HTR4: variants seen among roughly 807,000 people sequenced by gnomAD.
The protein encoded by HTR4 is 5-hydroxytryptamine receptor 4, also known as 5-hydroxytryptamine (serotonin) receptor 4, G protein-coupled.
A neutral mutation model predicts 36.8 loss-of-function variants in HTR4; 16 were observed. The ratio of observed to expected loss-of-function variants is 0.43; its 90% CI spans 0.29 to 0.66. The LOEUF (loss-of-function observed/expected upper bound fraction) is 0.66, where lower values mean the gene tolerates loss of function less well. Ranked by LOEUF, HTR4 falls within the 30% of genes least tolerant of loss-of-function variation. The probability of loss-of-function intolerance (pLI) is 0.13; values close to 1 mark genes in which losing one functional copy is unlikely to be tolerated. For missense variants in HTR4, 438 were observed against 490.9 expected, an observed-to-expected ratio of 0.89 and a Z score of 1.02; for synonymous variants, 189 against 185.1, an observed-to-expected ratio of 1.02 and a Z score of -0.17.
intron 2 of HTR4, among the ~76,000 whole-genome samples, chr5:148,565,921 G>A (rs1416829510): frequency 6.6e-6 from 1 of 152,120 alleles, no homozygotes; most frequent in Non-Finnish European, 1.5e-5. Flanking sequence ...GCAAATCTAA[G>A]AACTGTATTG....
chr5:148,568,332 A>C (rs1760535902), intron 2 of HTR4, among the ~76,000 whole-genome samples: 1 of 151,746 alleles, frequency 6.6e-6, no homozygotes, highest in African/African-American at 2.4e-5. Flanking sequence ...AGTTTAGATT[A>C]CCTTATCCCT....
At chr5:148,519,371 C>A (rs1006997754) in intron 5 of HTR4, among the ~76,000 whole-genome samples, 1 of 152,086 alleles carries the variant, frequency 6.6e-6, no homozygotes, top group Non-Finnish European at 1.5e-5. Context: ...GGTGTGGTTA[C>A]CAATTTGTAA....
At chr5:148,520,837 A>C in intron 5 of HTR4, 1 of 1,340,594 alleles carries the variant, frequency 7.5e-7, no homozygotes, top group Non-Finnish European at 1.0e-6. Context: ...GGATTCAAAA[A>C]ATGTCCATGC....
intron 5 of HTR4, among the ~76,000 whole-genome samples, chr5:148,462,692 A>C (rs1755306393): frequency 6.6e-6 from 1 of 152,094 alleles, no homozygotes; most frequent in Non-Finnish European, 1.5e-5. Context: ...CCAAAACCAA[A>C]GACATTACAA....
At chr5:148,633,867 C>T (rs988848996) in intron 2 of HTR4, among the ~76,000 whole-genome samples, 7 of 151,996 alleles carry the variant, frequency 4.6e-5, no homozygotes, top group African/African-American at 1.7e-4. Flanking sequence ...ATGTCTAATC[C>T]TGGTCCTCCA....
chr5:148,635,934 T>TA (rs1380877657), intron 2 of HTR4, among the ~76,000 whole-genome samples: 2 of 152,194 alleles, frequency 1.3e-5, no homozygotes, highest in Non-Finnish European at 2.9e-5. Flanking sequence ...GTTTTATTGC[T>TA]AAAAATACAG....
chr5:148,562,589 G>C (rs1561621321), intron 2 of HTR4, among the ~76,000 whole-genome samples: 1 of 152,050 alleles, frequency 6.6e-6, no homozygotes, highest in Non-Finnish European at 1.5e-5. Context: ...TCTTCTCCTA[G>C]ACTATCACAA....
chr5:148,609,874 A>T (rs1469104565), intron 2 of HTR4, among the ~76,000 whole-genome samples: 1 of 152,160 alleles, frequency 6.6e-6, no homozygotes, highest in Admixed American at 6.5e-5. Context: ...CCCATGAGCC[A>T]CTGTGCCCAG....
chr5:148,609,901 A>G (rs1561648004), intron 2 of HTR4, among the ~76,000 whole-genome samples: 1 of 151,590 alleles, frequency 6.6e-6, no homozygotes, highest in Non-Finnish European at 1.5e-5. Flanking sequence ...TTTTTTTTTA[A>G]CTGTGAAAAT....
chr5:148,457,471 T>C (rs980927254), intron 5 of HTR4, among the ~76,000 whole-genome samples: 3 of 151,662 alleles, frequency 2.0e-5, no homozygotes, highest in Middle Eastern at 3.5e-3. Flanking sequence ...TGGTAATTAG[T>C]AGCGTAATAA....
chr5:148,581,615 A>G (rs967453408), intron 2 of HTR4, among the ~76,000 whole-genome samples: 4 of 152,048 alleles, frequency 2.6e-5, no homozygotes, highest in African/African-American at 9.7e-5. Flanking sequence ...ATTATGTATT[A>G]TCAGCATCCT....
At chr5:148,453,324 A>C (rs1416251889) in intron 5 of HTR4, among the ~76,000 whole-genome samples, 1 of 152,072 alleles carries the variant, frequency 6.6e-6, no homozygotes, top group African/African-American at 2.4e-5. Context: ...TATTTTATCT[A>C]TTTTCTCAGC....
chr5:148,599,905 A>G lies in HTR4; in HGVS notation c.26+37084T>C, dbSNP rs147109868. 2.3e-3 allele frequency among the ~76,000 whole-genome samples: 349 copies of G among 152,054 alleles called. 2 individuals carry two copies. Among genetic ancestry groups the G allele is most frequent in the Non-Finnish European group, 3.9e-3 (262 of 67,884 alleles). On this transcript the variant is annotated intron_variant, in intron 2 of 6. Coordinates refer to ENST00000377888, the MANE Select transcript of HTR4 (RefSeq NM_000870.7). ...AAGCTAATAACATAAGCATATTTTA[A>G]TCTCTATAATAACCATTAAGGAATA...
intron 4 of HTR4, among the ~76,000 whole-genome samples, chr5:148,543,804 A>G (rs1301761711): frequency 4.6e-5 from 7 of 152,180 alleles, no homozygotes; most frequent in African/African-American, 1.7e-4. Context: ...AGGTTAACCA[A>G]GACCAATGTA....
At chr5:148,481,512 T>A (rs1755882457), downstream of HTR4, 3 of 1,458,858 alleles carry the variant, frequency 2.1e-6, no homozygotes, top group African/African-American at 2.9e-5. Flanking sequence ...CCAACAGAAT[T>A]AAGTCTTCAT....
intron 2 of HTR4, among the ~76,000 whole-genome samples, chr5:148,614,095 G>A (rs1752558458): frequency 6.6e-6 from 1 of 152,072 alleles, no homozygotes; most frequent in Admixed American, 6.5e-5. Flanking sequence ...TCGTGAAAAT[G>A]GCCATACTGC....
At chr5:148,581,331 G>T (rs1018236559) in intron 2 of HTR4, among the ~76,000 whole-genome samples, 3 of 151,900 alleles carry the variant, frequency 2.0e-5, no homozygotes, top group Non-Finnish European at 1.5e-5. Context: ...TTGCTGTTCA[G>T]AAGTGTTTTC....
At chr5:148,638,647 C>G (rs73797937) in intron 1 of HTR4, among the ~76,000 whole-genome samples, 3,443 of 152,202 alleles carry the variant, frequency 0.023, 143 homozygotes, top group African/African-American at 0.079. Context: ...CTGCTCTTCC[C>G]CAGTGTTCTC....
At chr5:148,466,436 C>T (rs1755430737) in intron 5 of HTR4, among the ~76,000 whole-genome samples, 1 of 152,172 alleles carries the variant, frequency 6.6e-6, no homozygotes, top group South Asian at 2.1e-4. Flanking sequence ...TTGTTAAATG[C>T]AACTGCAAGT....
Sources: allele counts gnomAD v4.1 joint callset (sites outside exome capture counted in the v4.1 genomes callset), GRCh38; gene constraint gnomAD v4.1.1; transcripts MANE v1.5; gene names NCBI Gene and HGNC (gene_info 2026-07-23, HGNC 2026-07-21).